The following CEP95 variants were observed in gnomAD, a reference collection of about 807,000 sequenced individuals.
CEP95 encodes the protein centrosomal protein of 95 kDa.
Under a neutral mutation model 111.2 loss-of-function variants are expected in CEP95, and 98 were observed. The ratio of observed to expected loss-of-function variants is 0.88; its 90% confidence interval spans 0.75 to 1.04. CEP95 has a LOEUF of 1.04. CEP95 is among the 50% of genes least tolerant of loss of function. CEP95 has a pLI of 0.00. For synonymous variants in CEP95, 323 were observed against 327.1 expected (o/e 0.99, Z 0.14); for missense variants, 1,027 against 977.2 (o/e 1.05, Z -0.68).
intron 1 of CEP95, chr17:64,507,351 A>G (rs2038606180): frequency 2.1e-6 from 3 of 1,423,730 alleles, no homozygotes; most frequent in Admixed American, 5.9e-5. Context: ...CGAGGCCGGT[A>G]GGACACTTGG....
chr17:64,527,160 A>G lies in CEP95; in HGVS notation c.1202A>G (p.Lys401Arg), dbSNP rs1420820733. The part of the protein sequence containing the change: ...GDRIKEKTDH[K>R]EENTGNEEVE... ...CGGATTAAAGAAAAGACTGACCATA[A>G]AGAAGAAAATACTGGAAATGAGGAG... Residue 401 changes from lysine (K) to arginine (R), a missense_variant, in exon 11 of 20, where the codon AAA becomes AGA. Transcript: ENST00000556440. 20 of 1,613,572 alleles carry G rather than the reference A, an allele frequency of 1.2e-5. No homozygotes were observed. The East Asian group carries it at 3.1e-4, about 25-fold the overall frequency.
chr17:64,526,114 C>T lies in CEP95; in HGVS notation c.1066C>T (p.Pro356Ser). 1 of 1,613,702 alleles carries T rather than the reference C, an allele frequency of 6.2e-7. No homozygotes were observed. Among genetic ancestry groups the T allele is most frequent in the East Asian group, 2.2e-5 (1 of 44,860 alleles). ...AGCCTCATCCTGCAATTCACCTTTC[C>T]CCCAGAGGCCAAGAAAGAGATTAAC... Reference protein sequence around the residue: ...ATASSCNSPFPQRPRKRLTEQ... With the variant: ...ATASSCNSPFSQRPRKRLTEQ... Residue 356 changes from proline to serine, a missense_variant, in exon 10 of 20, where the codon CCC becomes TCC. By Grantham distance (74) the Pro-to-Ser change is moderately conservative. Transcript: ENST00000556440.
At chr17:64,524,968 CAAAAAACA>C (rs1555678773) in intron 8 of CEP95, among the ~76,000 whole-genome samples, 1 of 151,480 alleles carries the variant, frequency 6.6e-6, no homozygotes, top group Non-Finnish European at 1.5e-5. Context: ...GACCCCATCT[CAAAAAACA>C]AAAAAACAAA....
At chr17:64,508,484 G>A (rs1555673650) in intron 1 of CEP95, 108 bp from the exon 2 acceptor site, 6 of 1,207,340 alleles carry the variant, frequency 5.0e-6, no homozygotes, top group Non-Finnish European at 6.3e-6. Flanking sequence ...CTTCTGCAAA[G>A]TTCAGTGTCT....
intron 4 of CEP95, chr17:64,515,635 A>G (rs138848625): frequency 3.3e-5 from 5 of 152,292 alleles, no homozygotes; most frequent in African/African-American, 9.6e-5. Flanking sequence ...GTGGTGAGCT[A>G]CTGGGGAAGT....
intron 4 of CEP95, among the ~76,000 whole-genome samples, chr17:64,516,364 G>T (rs1555676276): frequency 6.6e-6 from 1 of 152,132 alleles, no homozygotes; most frequent in Non-Finnish European, 1.5e-5. Context: ...TGATTATCTT[G>T]GAGCTTGCAT....
rs183032931 is a variant in CEP95, at chr17:64,533,385, G to A, written c.1917+194G>A. On this transcript the variant is annotated intron_variant, in intron 16 of 19. Coordinates refer to ENST00000556440, the MANE Select transcript of CEP95 (RefSeq NM_138363.3). ...GCACTTTGGGAGGCTGAGGTGAGAG[G>A]ATCACTTGAGACCAGCCTCAGCAAC... is the stretch of plus-strand genomic sequence containing the variant. Among the ~76,000 whole-genome samples the A allele has an allele frequency of 3.0e-3, 455 of 152,194 alleles. 1 individual carries two copies. The highest frequency in any genetic ancestry group is 0.011 in the African/African-American group (436 of 41,518).
chr17:64,530,372 G>A (rs1231852948), intron 12 of CEP95, among the ~76,000 whole-genome samples: 1 of 152,048 alleles, frequency 6.6e-6, no homozygotes, highest in Non-Finnish European at 1.5e-5. Flanking sequence ...GCGAGAGTGC[G>A]ACTGTCTCAA....
chr17:64,532,779 A>T, intron 14 of CEP95, 60 bp from the exon 15 acceptor site: 2 of 1,552,776 alleles, frequency 1.3e-6, no homozygotes, highest in Non-Finnish European at 1.7e-6. Flanking sequence ...TCTACCAGGG[A>T]TGTTGGATGA....
In CEP95 at chr17:64,512,929, G is replaced by A. The variant is rs868970325; in HGVS notation, c.257-1319G>A. On this transcript the variant is annotated intron_variant, in intron 3 of 19. Coordinates refer to ENST00000556440, the MANE Select transcript of CEP95 (RefSeq NM_138363.3). ...CATGTTTGTAAAACTCTTTAATGCA[G>A]AGCTGTCTTTGACAGATTACACCCA... Among the ~76,000 whole-genome samples, 33 of 152,248 alleles carry A rather than the reference G, an allele frequency of 2.2e-4. 1 individual carries two copies. Among genetic ancestry groups the A allele is most frequent in the Admixed American group, 1.7e-3 (26 of 15,298 alleles).
chr17:64,537,125 A>G lies in CEP95; in HGVS notation c.2289+13A>G. On this transcript the variant is annotated intron_variant, in intron 19 of 19. Coordinates refer to ENST00000556440, the MANE Select transcript of CEP95 (RefSeq NM_138363.3). ...ATCTCAGGCCCAGGTAATAATTAAG[A>G]TAGAAGCCAAGTCATGCACTGCATG... 1.2e-6 allele frequency: 2 copies of G among 1,609,126 alleles called. No individual in the cohort carries two copies. The highest frequency in any genetic ancestry group is 8.5e-7 in the Non-Finnish European group (1 of 1,177,684).
chr17:64,515,745 A>G lies in CEP95; in HGVS notation c.368-978A>G, dbSNP rs917164119. The G allele has an allele frequency of 1.1e-4, 17 of 152,204 alleles. No individual in the cohort carries two copies. The South Asian group carries it at 1.2e-3, about 11-fold the overall frequency. The allele number at this position is 152,204 out of a possible 1,614,324, so 9.4% of individuals were successfully genotyped here. A position where few individuals can be genotyped will look rare whatever the true frequency, so the allele number is the denominator to read the frequency against. On this transcript the variant is annotated intron_variant, in intron 4 of 19. Coordinates refer to ENST00000556440, the MANE Select transcript of CEP95 (RefSeq NM_138363.3). ...CAGGTCTAATATATACTTACCTGGC[A>G]ATATTTCCTAGAGCTGATCAGGTTC...
rs146904572 is a variant in CEP95, at chr17:64,511,217, C to A, written c.256+937C>A. Reference sequence around the variant, plus strand: ...TGGGCACCATTGTCATTGATAACATCTTATCAGGAGACAGGGTTTTGAGAG... The same window carrying A: ...TGGGCACCATTGTCATTGATAACATATTATCAGGAGACAGGGTTTTGAGAG... On this transcript the variant is annotated intron_variant, in intron 3 of 19. Coordinates refer to ENST00000556440, the MANE Select transcript of CEP95 (RefSeq NM_138363.3). 3.7e-3 allele frequency among the ~76,000 whole-genome samples: 561 copies of A among 152,288 alleles called. 4 individuals are homozygous for A. The highest frequency in any genetic ancestry group is 0.02 in the Middle Eastern group (6 of 294).
chr17:64,527,610 A>G (rs1366819002), intron 11 of CEP95, among the ~76,000 whole-genome samples: 1 of 152,020 alleles, frequency 6.6e-6, no homozygotes, highest in East Asian at 1.9e-4. Context: ...ACTTGTCTAA[A>G]CATAGTATTG....
At position 64,529,415 on chromosome 17, in the gene CEP95, A is replaced by G. The variant is rs782590229; in HGVS notation, c.1434A>G (p.Gln478=). ...QRKPRETDVR[Q]FQAQAFTEAF... ...AGCCAAGAGAAACAGATGTCCGCCA[A>G]TTCCAAGCACAGGTTCTTCCCCATC... The change falls in exon 12 of 20, where the codon CAA becomes CAG. Residue 478 remains glutamine (Q), a synonymous_variant. Coordinates refer to ENST00000556440, the MANE Select transcript of CEP95 (RefSeq NM_138363.3). 69 of 1,613,702 alleles carry G rather than the reference A, an allele frequency of 4.3e-5. No homozygotes were observed. The highest frequency in any genetic ancestry group is 5.5e-5 in the Non-Finnish European group (65 of 1,179,788).
At chr17:64,523,502 A>G (rs546952666) in intron 8 of CEP95, among the ~76,000 whole-genome samples, 1 of 152,314 alleles carries the variant, frequency 6.6e-6, no homozygotes, top group East Asian at 1.9e-4. Context: ...TATTTGGTTC[A>G]ATTGCAGTGA....
intron 9 of CEP95, 38 bp downstream of exon 9, chr17:64,525,920 T>A (rs528843558): frequency 6.6e-7 from 1 of 1,504,580 alleles, no homozygotes; most frequent in South Asian, 1.3e-5. Flanking sequence ...ACAGTCTGTT[T>A]ACAAAGGAAT....
intron 5 of CEP95, among the ~76,000 whole-genome samples, chr17:64,517,612 G>C (rs1555676689): frequency 6.6e-6 from 1 of 151,392 alleles, no homozygotes; most frequent in Non-Finnish European, 1.5e-5. Flanking sequence ...GGCGTGATCA[G>C]AGTTCACTGT....
rs373968412 is a variant in CEP95, at chr17:64,522,793, T to C, written c.807T>C (p.Pro269=). The C allele has an allele frequency of 1.2e-6, 2 of 1,613,920 alleles. No individual in the cohort carries two copies. The highest frequency in any genetic ancestry group is 1.7e-6 in the Non-Finnish European group (2 of 1,179,870). The change falls in exon 8 of 20, where the codon CCT becomes CCC. Residue 269 remains proline, a synonymous_variant. Coordinates refer to ENST00000556440, the MANE Select transcript of CEP95 (RefSeq NM_138363.3). The part of the protein sequence containing the change: ...AAIPLHPPYH[P]SEPRAPCPIG... ...TTCCTTTACATCCACCCTACCACCCTTCAGAGCCTCGAGCACCCTGCCCCA... is the reference window on the plus strand; with the variant it reads ...TTCCTTTACATCCACCCTACCACCCCTCAGAGCCTCGAGCACCCTGCCCCA...
Sources: allele counts gnomAD v4.1 joint callset (sites outside exome capture counted in the v4.1 genomes callset), GRCh38; gene constraint gnomAD v4.1.1; transcripts MANE v1.5; gene names NCBI Gene and HGNC (gene_info 2026-07-23, HGNC 2026-07-21).